VPS37B: variants seen among roughly 807,000 people sequenced by gnomAD.
VPS37B encodes VPS37B subunit of ESCRT-I.
VPS37B carries 11 observed loss-of-function variants against 21.2 expected under a neutral mutation model. The observed-to-expected ratio is 0.52, with a 90% CI of 0.33 to 0.86. The LOEUF (loss-of-function observed/expected upper bound fraction) is 0.86, where lower values mean the gene tolerates loss of function less well. VPS37B is among the 40% of genes least tolerant of loss of function. VPS37B has a pLI of 0.03. For synonymous variants in VPS37B, 175 were observed against 159.6 expected, an observed-to-expected ratio of 1.10 and a Z score of -0.73; for missense variants, 389 against 374.8, an observed-to-expected ratio of 1.04 and a Z score of -0.31.
rs2033945394 is a variant in VPS37B at position 122,868,080 on chromosome 12, C to T, written c.366+400G>A. Among the ~76,000 whole-genome samples, 1 of 152,262 alleles carries T rather than the reference C, an allele frequency of 6.6e-6. No homozygotes were observed. The highest frequency in any genetic ancestry group is 2.1e-4 in the South Asian group (1 of 4,838). On this transcript the variant is annotated intron_variant, in intron 3 of 3. Coordinates refer to ENST00000267202, the MANE Select transcript of VPS37B (RefSeq NM_024667.3). This position sits in a 1 kb window ranked among gnomAD's most constrained non-coding sequence, Gnocchi z 5.5. ...GCCCCAGCCTGCAACAACTGCACAA[C>T]ATTCGACCTTGACTCATTTCCTTAT...
intron 1 of VPS37B, among the ~76,000 whole-genome samples, chr12:122,893,483 A>T (rs2034446156): frequency 1.0e-5 from 1 of 97,328 alleles, no homozygotes; most frequent in African/African-American, 3.9e-5. Context: ...AGTTCATAAA[A>T]TATTTTCTTC....
intron 1 of VPS37B, among the ~76,000 whole-genome samples, chr12:122,891,674 C>A (rs2034412658): frequency 6.6e-6 from 1 of 152,176 alleles, no homozygotes; most frequent in African/African-American, 2.4e-5. Flanking sequence ...GAGTGCAAAT[C>A]TTAGCTTCTA....
chr12:122,872,617 T>C (rs765946212), intron 1 of VPS37B: 44 of 985,336 alleles, frequency 4.5e-5, no homozygotes, highest in Non-Finnish European at 5.2e-5. Flanking sequence ...CGGCTCTCCA[T>C]GGGCTTTCTA....
chr12:122,870,536 A>C (rs1593907027), intron 2 of VPS37B: 1 of 176,030 alleles, frequency 5.7e-6, no homozygotes. Flanking sequence ...TGAGTTCAAG[A>C]CCAGCCTGGG....
At chr12:122,870,819 T>G in intron 2 of VPS37B, 71 bp downstream of exon 2, 1 of 1,509,644 alleles carries the variant, frequency 6.6e-7, no homozygotes, top group South Asian at 1.3e-5. Context: ...TCTTTCCTGG[T>G]AGGGCAATAG....
chr12:122,867,443 G>T lies in VPS37B; in HGVS notation c.531C>A (p.Pro177=), dbSNP rs1195715644. The change falls in exon 4 of 4, where the codon CCC becomes CCA. Residue 177 remains proline (P), a synonymous_variant. Transcript: ENST00000267202. The surrounding 1 kb of genome is among the most constrained non-coding windows in gnomAD (Gnocchi z 5.5). ...QRLPQALAPL[P]PRLPELAPTA... ...TAGGTGCCAGTTCGGGCAGCCTGGGGGGCAGCGGGGCCAGGGCCTGTGGGA... is the reference window on the plus strand; with the variant it reads ...TAGGTGCCAGTTCGGGCAGCCTGGGTGGCAGCGGGGCCAGGGCCTGTGGGA... The T allele has an allele frequency of 6.2e-7, 1 of 1,612,932 alleles. No individual in the cohort carries two copies. The highest frequency in any genetic ancestry group is 1.7e-5 in the Admixed American group (1 of 59,974).
chr12:122,881,753 A>T (rs1424862505), intron 1 of VPS37B: 1 of 152,160 alleles, frequency 6.6e-6, no homozygotes, highest in Non-Finnish European at 1.5e-5. Context: ...CTATTTCTCT[A>T]TTTTCATGTT....
At chr12:122,869,908 C>G (rs1395895926) in intron 2 of VPS37B, among the ~76,000 whole-genome samples, 1 of 152,188 alleles carries the variant, frequency 6.6e-6, no homozygotes, top group African/African-American at 2.4e-5. Context: ...ACCCCCAGCT[C>G]TGACTTTATC....
At chr12:122,871,283 A>G in intron 1 of VPS37B, 1 of 1,319,682 alleles carries the variant, frequency 7.6e-7, no homozygotes. Context: ...ACTTCCTTCC[A>G]GCACGTTTCC....
At position 122,868,422 on chromosome 12, in the gene VPS37B, C is replaced by T. The variant is rs1333095106; in HGVS notation, c.366+58G>A. On this transcript the variant is annotated intron_variant, in intron 3 of 3. Coordinates refer to ENST00000267202, the MANE Select transcript of VPS37B (RefSeq NM_024667.3). The surrounding 1 kb of genome is among the most constrained non-coding windows in gnomAD (Gnocchi z 5.5). The stretch of plus-strand genomic sequence containing the variant: ...TGGCACTCACGGTCCCTGGAGGCAG[C>T]GGGCCCACGGACTGCCCAAAGCGCC... The T allele has an allele frequency of 1.3e-5, 19 of 1,502,778 alleles. No individual in the cohort carries two copies. Among genetic ancestry groups the T allele is most frequent in the East Asian group, 2.3e-5 (1 of 43,416 alleles). 93.1% of individuals were successfully genotyped at this position (1,502,778 alleles called of 1,614,324 possible). A position where few individuals can be genotyped will look rare whatever the true frequency, so the allele number is the denominator to read the frequency against.
chr12:122,880,845 C>T (rs1336761879), intron 1 of VPS37B: 2 of 152,180 alleles, frequency 1.3e-5, no homozygotes, highest in African/African-American at 2.4e-5. Context: ...GTGCCAGGCT[C>T]GGGGGAGACA....
At chr12:122,882,629 T>C (rs2034262187) in intron 1 of VPS37B, 1 of 152,254 alleles carries the variant, frequency 6.6e-6, no homozygotes, top group African/African-American at 2.4e-5. Flanking sequence ...TGCCATACAT[T>C]CAGCTAGGTT....
Position 122,868,396 on chromosome 12 carries a change from G to GTGGC in VPS37B, c.366+80_366+83dup. The GTGGC allele has an allele frequency of 7.8e-7, 1 of 1,287,976 alleles. No homozygotes were observed. The highest frequency in any genetic ancestry group is 1.1e-6 in the Non-Finnish European group (1 of 904,738). 79.8% of individuals were successfully genotyped at this position (1,287,976 alleles called of 1,614,324 possible). A position where few individuals can be genotyped will look rare whatever the true frequency, so the allele number is the denominator to read the frequency against. ...AGGCACCACTCCTGGCCGTGGCGGT[G>GTGGC]TGGCACTCACGGTCCCTGGAGGCAG... is the stretch of plus-strand genomic sequence containing the variant. On this transcript the variant is annotated intron_variant, in intron 3 of 3. Transcript: ENST00000267202. This position sits in a 1 kb window ranked among gnomAD's most constrained non-coding sequence, Gnocchi z 5.5.
Position 122,866,804 on chromosome 12 carries a change from T to C in VPS37B, c.*312A>G. ...GCAACAGAAGGACCACGATTCTAAA[T>C]GGGACTGGGGGAGAGGCCTATTTCT... is the stretch of plus-strand genomic sequence containing the variant. On this transcript the variant is annotated 3_prime_UTR_variant, in exon 4 of 4. Coordinates refer to ENST00000267202, the MANE Select transcript of VPS37B (RefSeq NM_024667.3). The C allele has an allele frequency of 3.1e-6, 1 of 323,564 alleles. No individual in the cohort carries two copies. 20.0% of individuals were successfully genotyped at this position (323,564 alleles called of 1,614,324 possible). A position where few individuals can be genotyped will look rare whatever the true frequency, so the allele number is the denominator to read the frequency against.
chr12:122,891,985 C>T (rs2034418320), intron 1 of VPS37B, among the ~76,000 whole-genome samples: 1 of 129,678 alleles, frequency 7.7e-6, no homozygotes, highest in Admixed American at 8.7e-5. Context: ...AACCAATCAG[C>T]ATTTCCTCAG....
In VPS37B at chr12:122,868,765, T is replaced by C. The variant is rs189387782; in HGVS notation, c.284-203A>G. 7.2e-5 allele frequency among the ~76,000 whole-genome samples: 11 copies of C among 152,316 alleles called. No individual in the cohort carries two copies. Among genetic ancestry groups the C allele is most frequent in the Admixed American group, 2.0e-4 (3 of 15,300 alleles). On this transcript the variant is annotated intron_variant, in intron 2 of 3. Coordinates refer to ENST00000267202, the MANE Select transcript of VPS37B (RefSeq NM_024667.3). This position sits in a 1 kb window ranked among gnomAD's most constrained non-coding sequence, Gnocchi z 5.5. Reference sequence around the variant, plus strand: ...AGCAACCTGTGTCACCAGCTGCTTCTAGAACCAGCTGTTTTCAAATATGGG... The same window carrying C: ...AGCAACCTGTGTCACCAGCTGCTTCCAGAACCAGCTGTTTTCAAATATGGG...
intron 1 of VPS37B, chr12:122,888,877 G>GAT: frequency 3.6e-6 from 1 of 278,418 alleles, no homozygotes; most frequent in Non-Finnish European, 7.3e-6. Flanking sequence ...TTCACCCTGA[G>GAT]CTCCAGAACC....
intron 1 of VPS37B, chr12:122,874,731 C>G (rs1454947882): frequency 6.6e-6 from 1 of 151,828 alleles, no homozygotes; most frequent in Non-Finnish European, 1.5e-5. Flanking sequence ...GGCAGATCAC[C>G]TGAGGTTAGG....
chr12:122,879,062 A>C (rs2135705559), intron 1 of VPS37B: 1 of 152,462 alleles, frequency 6.6e-6, no homozygotes, highest in Non-Finnish European at 1.5e-5. Context: ...AGCACACATG[A>C]GAAGCTGGAA....
Sources: gnomAD v4.1 joint callset for allele counts (sites outside exome capture counted in the v4.1 genomes callset) on GRCh38, gnomAD v4.1.1 for gene constraint, Gnocchi (gnomAD v3.1) non-coding constraint, MANE v1.5 for transcripts, NCBI Gene and HGNC (gene_info 2026-07-23, HGNC 2026-07-21) for gene names.